The following TLN2 variants were observed in gnomAD, a reference collection of about 807,000 sequenced individuals.
The protein encoded by TLN2 is talin 2, also known as talin-2.
Under a neutral mutation model 294.7 loss-of-function variants are expected in TLN2, and 118 were observed. That is an observed-to-expected ratio of 0.40 (90% CI 0.34 to 0.47). The LOEUF is 0.47. Among genes scored for constraint, TLN2 ranks in the 20% least tolerant of loss-of-function variants. The pLI, the probability that TLN2 is intolerant of heterozygous loss-of-function variation, is 0.84. For missense variants in TLN2, 3,083 were observed against 3,282.2 expected (o/e 0.94, Z 1.48); for synonymous variants, 1,431 against 1,304.5 (o/e 1.10, Z -2.09).
intron 1 of TLN2, among the ~76,000 whole-genome samples, chr15:62,541,333 C>G (rs2041672270): frequency 6.6e-6 from 1 of 152,214 alleles, no homozygotes; most frequent in Admixed American, 6.5e-5. Context: ...TGGCCACTGT[C>G]TTGGCTGAAT....
At chr15:62,579,440 T>G (rs1253959091) in intron 1 of TLN2, among the ~76,000 whole-genome samples, 1 of 152,172 alleles carries the variant, frequency 6.6e-6, no homozygotes, top group Non-Finnish European at 1.5e-5. Context: ...GAGTATCTAA[T>G]TCGGTCTTGA....
At position 62,647,303 on chromosome 15, in the gene TLN2, C is replaced by T; in HGVS notation, c.-8C>T. ...TTCTAAGTGAGACTGTCCACATCAT[C>T]TAGGAAAATGGTGGCCCTGTCCTTA... On this transcript the variant is annotated 5_prime_UTR_variant, in exon 4 of 59. Coordinates refer to ENST00000636159, the MANE Select transcript of TLN2 (RefSeq NM_015059.3). 1 of 1,613,792 alleles carries T rather than the reference C, an allele frequency of 6.2e-7. No individual in the cohort carries two copies. The highest frequency in any genetic ancestry group is 1.3e-5 in the African/African-American group (1 of 74,988).
intron 3 of TLN2, among the ~76,000 whole-genome samples, chr15:62,639,738 C>G (rs548177368): frequency 1.3e-5 from 2 of 152,130 alleles, no homozygotes. Flanking sequence ...CTAGGGGAGC[C>G]TCTCCACTCA....
chr15:62,508,437 G>A (rs1203468806), intron 1 of TLN2, among the ~76,000 whole-genome samples: 2 of 152,022 alleles, frequency 1.3e-5, no homozygotes, highest in African/African-American at 4.8e-5. Context: ...GGCTGGTCTC[G>A]AACTCCTGAC....
At chr15:62,658,409 T>C (rs1262439452) in intron 9 of TLN2, among the ~76,000 whole-genome samples, 5 of 152,196 alleles carry the variant, frequency 3.3e-5, no homozygotes, top group African/African-American at 1.2e-4. Context: ...TGGAAAGTAG[T>C]TGGGACCAGA....
chr15:62,766,323 C>T lies in TLN2; in HGVS notation c.5097C>T (p.Ala1699=). The change falls in exon 41 of 59, where the codon GCC becomes GCT. Residue 1699 remains alanine, a splice_region_variant and synonymous_variant. Coordinates refer to ENST00000636159, the MANE Select transcript of TLN2 (RefSeq NM_015059.3). ...LATRDDISVE[A]LQEQLTSVVQ... ...CTTGACACTTCTCTCCTTATCAGGC[C>T]CTGCAGGAGCAGCTGACTTCGGTGG... 1 of 1,611,262 alleles carries T rather than the reference C, an allele frequency of 6.2e-7. No homozygotes were observed.
At chr15:62,533,197 T>C (rs887023668) in intron 1 of TLN2, among the ~76,000 whole-genome samples, 3 of 137,014 alleles carry the variant, frequency 2.2e-5, no homozygotes, top group Non-Finnish European at 4.5e-5. Flanking sequence ...GAGGTTACAG[T>C]GAGCCGAGAT....
intron 54 of TLN2, chr15:62,824,130 T>A (rs2067826437): frequency 2.7e-6 from 1 of 370,416 alleles, no homozygotes; most frequent in Non-Finnish European, 5.4e-6. Flanking sequence ...GGAGCACTCA[T>A]TACAATTCAT....
intron 1 of TLN2, among the ~76,000 whole-genome samples, chr15:62,481,242 G>A (rs2038075508): frequency 6.6e-6 from 1 of 151,248 alleles, no homozygotes; most frequent in Non-Finnish European, 1.5e-5. Context: ...CTCTTGCTGA[G>A]AGAGTCTCAC....
rs1413617907 is a variant in TLN2 at position 62,390,586 on chromosome 15, G to C, written c.-337G>C. ...GGAGCCAGCGGCGGCGGCAGCGGCT[G>C]AGGCGGCTGCGGGAGCGGAGTGGTC... On this transcript the variant is annotated 5_prime_UTR_variant, in exon 1 of 59. Transcript: ENST00000636159. 1.3e-5 allele frequency: 2 copies of C among 152,282 alleles called. No homozygotes were observed. Among genetic ancestry groups the C allele is most frequent in the African/African-American group, 4.8e-5 (2 of 41,414 alleles). 9.4% of individuals were successfully genotyped at this position (152,282 alleles called of 1,614,324 possible).
chr15:62,696,095 A>G (rs1393145177), intron 14 of TLN2, among the ~76,000 whole-genome samples: 1 of 152,232 alleles, frequency 6.6e-6, no homozygotes, highest in Non-Finnish European at 1.5e-5. Flanking sequence ...TGGAGCCTCC[A>G]GACCAACCTT....
Position 62,454,628 on chromosome 15 carries a change from G to T in TLN2, c.-238+63943G>T, listed in dbSNP as rs184787628. Among the ~76,000 whole-genome samples, 333 of 152,244 alleles carry T rather than the reference G, an allele frequency of 2.2e-3. 1 individual carries two copies. The highest frequency in any genetic ancestry group is 3.8e-3 in the Non-Finnish European group (259 of 68,018). The stretch of plus-strand genomic sequence containing the variant: ...ACAGGACCCTGTGCCCCATCCTTCC[G>T]TGAGTCCCCTTCTGGCTTGTCTCCA... On this transcript the variant is annotated intron_variant, in intron 1 of 58. Transcript: ENST00000636159.
At chr15:62,586,600 GA>G (rs1355753890) in intron 1 of TLN2, among the ~76,000 whole-genome samples, 1 of 152,116 alleles carries the variant, frequency 6.6e-6, no homozygotes, top group East Asian at 1.9e-4. Flanking sequence ...CCATTATGGG[GA>G]TACATTTCTG....
intron 22 of TLN2, among the ~76,000 whole-genome samples, chr15:62,712,299 G>T (rs2059475250): frequency 6.6e-6 from 1 of 152,190 alleles, no homozygotes; most frequent in African/African-American, 2.4e-5. Context: ...TAGTAGCAAA[G>T]TGCCCTCTTT....
At chr15:62,618,740 A>G (rs1347436433) in intron 3 of TLN2, among the ~76,000 whole-genome samples, 1 of 152,260 alleles carries the variant, frequency 6.6e-6, no homozygotes, top group Non-Finnish European at 1.5e-5. Flanking sequence ...GCAGATGTGT[A>G]AGGGTTTTCT....
intron 1 of TLN2, among the ~76,000 whole-genome samples, chr15:62,433,137 A>G (rs1278278756): frequency 1.3e-5 from 2 of 152,138 alleles, no homozygotes; most frequent in African/African-American, 4.8e-5. Flanking sequence ...TCAACCTGAA[A>G]TACAAATCAT....
In TLN2 at chr15:62,783,876, G is replaced by A. The variant is rs780367954; in HGVS notation, c.5722G>A (p.Ala1908Thr). The change falls in exon 45 of 59, where the codon GCG becomes ACG. Residue 1908 changes from alanine to threonine, a missense_variant. Transcript: ENST00000636159. ...AFQGQMAAAT[A>T]EPEEIGFQIR... ...CCAGGGCCAGATGGCAGCAGCCACG[G>A]CGGAACCAGAGGAGGTCTGCCACCT... The A allele has an allele frequency of 6.2e-7, 1 of 1,614,046 alleles. No homozygotes were observed. The highest frequency in any genetic ancestry group is 8.5e-7 in the Non-Finnish European group (1 of 1,179,980).
intron 24 of TLN2, among the ~76,000 whole-genome samples, chr15:62,718,515 C>G (rs1205849717): frequency 6.6e-6 from 1 of 152,210 alleles, no homozygotes; most frequent in Non-Finnish European, 1.5e-5. Context: ...CAGAAATGGC[C>G]TTTGCTTCTG....
At chr15:62,460,634 G>A (rs1356342370) in intron 1 of TLN2, among the ~76,000 whole-genome samples, 1 of 152,184 alleles carries the variant, frequency 6.6e-6, no homozygotes, top group East Asian at 1.9e-4. Context: ...TATGTCAGGT[G>A]CCAGTCCTCA....
Sources: allele counts gnomAD v4.1 joint callset (sites outside exome capture counted in the v4.1 genomes callset), GRCh38; gene constraint gnomAD v4.1.1; transcripts MANE v1.5; gene names NCBI Gene and HGNC (gene_info 2026-07-23, HGNC 2026-07-21).